The following CFH variants were observed in gnomAD, a reference collection of about 807,000 sequenced individuals.
CFH encodes the protein complement factor H.
In CFH, 53 loss-of-function variants were observed where a neutral mutation model predicts 147.3. That is an observed-to-expected ratio of 0.36 (90% CI 0.29 to 0.45). The LOEUF is 0.45. Among genes scored for constraint, CFH ranks in the 20% least tolerant of loss-of-function variants. The pLI is 1.00. For missense variants in CFH, 1,380 were observed against 1,498.0 expected (o/e 0.92, Z 1.30); for synonymous variants, 536 against 489.4 (o/e 1.10, Z -1.26).
intron 6 of CFH, 141 bp from the exon 7 acceptor site, chr1:196,684,923 T>A: frequency 1.5e-6 from 1 of 674,364 alleles, no homozygotes; most frequent in East Asian, 2.7e-5. Flanking sequence ...CCAGAAAGGA[T>A]ACTATGATAT....
chr1:196,739,335 T>G (rs1330659836), intron 17 of CFH, among the ~76,000 whole-genome samples: 1 of 152,218 alleles, frequency 6.6e-6, no homozygotes, highest in Non-Finnish European at 1.5e-5. Flanking sequence ...AGTTTTATTT[T>G]CTATTGCATT....
intron 9 of CFH, among the ~76,000 whole-genome samples, chr1:196,707,744 T>C (rs1194810456): frequency 6.6e-6 from 1 of 152,198 alleles, no homozygotes; most frequent in African/African-American, 2.4e-5. Flanking sequence ...AAATATCTTT[T>C]GAGGAAAAAT....
chr1:196,698,145 A>T (rs909187533), intron 9 of CFH, among the ~76,000 whole-genome samples: 1 of 152,154 alleles, frequency 6.6e-6, no homozygotes, highest in Non-Finnish European at 1.5e-5. Context: ...CCTAAAACTT[A>T]AAGTATAATA....
In CFH at chr1:196,737,497, A is replaced by G; in HGVS notation, c.2619A>G (p.Pro873=). The G allele has an allele frequency of 6.2e-7, 1 of 1,612,898 alleles. No individual in the cohort carries two copies. Among genetic ancestry groups the G allele is most frequent in the South Asian group, 1.1e-5 (1 of 90,978 alleles). The change falls in exon 17 of 22, where the codon CCA becomes CCG. Residue 873 remains proline, a synonymous_variant. Coordinates refer to ENST00000367429, the MANE Select transcript of CFH (RefSeq NM_000186.4). ...TAGAAAAAATTCCATGTTCACAACCACCTCAGATAGAACACGGAACCATTA... is the reference window on the plus strand; with the variant it reads ...TAGAAAAAATTCCATGTTCACAACCGCCTCAGATAGAACACGGAACCATTA... ...LCVEKIPCSQ[P]PQIEHGTINS... is the part of the protein sequence containing the mutation.
chr1:196,727,022 A>G, intron 14 of CFH, 82 bp downstream of exon 14: 2 of 1,273,272 alleles, frequency 1.6e-6, no homozygotes, highest in South Asian at 2.4e-5. Flanking sequence ...TATATTTTTG[A>G]AATTTACAGA....
At chr1:196,715,222 A>G (rs1225017287) in intron 10 of CFH, among the ~76,000 whole-genome samples, 1 of 152,012 alleles carries the variant, frequency 6.6e-6, no homozygotes, top group Non-Finnish European at 1.5e-5. Context: ...TGTCTCAACT[A>G]CGAATTAGTT....
chr1:196,670,436 C>T (rs1032629268), intron 1 of CFH, among the ~76,000 whole-genome samples: 1 of 152,148 alleles, frequency 6.6e-6, no homozygotes, highest in Non-Finnish European at 1.5e-5. Flanking sequence ...GGGAAGGACC[C>T]AGTGGGACGT....
chr1:196,740,666 C>T lies in CFH; in HGVS notation c.2830C>T (p.His944Tyr). ...PPEISHGVVA[H>Y]MSDSYQYGEE... Reference sequence around the variant, plus strand: ...TGAGATTTCTCATGGTGTTGTAGCTCACATGTCAGACAGTTATCAGTATGG... The same window carrying T: ...TGAGATTTCTCATGGTGTTGTAGCTTACATGTCAGACAGTTATCAGTATGG... Residue 944 changes from histidine (H) to tyrosine (Y), a missense_variant, in exon 18 of 22, where the codon CAC (histidine) becomes TAC (tyrosine). Transcript: ENST00000367429. 1 of 1,613,762 alleles carries T rather than the reference C, an allele frequency of 6.2e-7. No individual in the cohort carries two copies. The highest frequency in any genetic ancestry group is 8.5e-7 in the Non-Finnish European group (1 of 1,179,910).
intron 11 of CFH, among the ~76,000 whole-genome samples, chr1:196,720,797 T>A (rs1465362025): frequency 6.6e-6 from 1 of 151,912 alleles, no homozygotes; most frequent in Non-Finnish European, 1.5e-5. Context: ...GATATGATAA[T>A]TGATTTCCTT....
Position 196,725,223 on chromosome 1 carries a change from G to T in CFH, c.1799G>T (p.Gly600Val). ...GTGTTGAAATTCTCCTGCAAACCAGGATTTACAATAGTTGGACCTAATTCC... is the reference window on the plus strand; with the variant it reads ...GTGTTGAAATTCTCCTGCAAACCAGTATTTACAATAGTTGGACCTAATTCC... ...GEVLKFSCKP[G>V]FTIVGPNSVQ... The change falls in exon 12 of 22, where the codon GGA (glycine) becomes GTA (valine). Residue 600 changes from glycine (G) to valine (V), a missense_variant. By Grantham distance (109) the Gly-to-Val change is moderately radical (BLOSUM62 -3). Coordinates refer to ENST00000367429, the MANE Select transcript of CFH (RefSeq NM_000186.4). 1.9e-6 allele frequency: 3 copies of T among 1,613,940 alleles called. No homozygotes were observed. The highest frequency in any genetic ancestry group is 2.5e-6 in the Non-Finnish European group (3 of 1,179,882).
rs1668777821 is a variant in CFH, at chr1:196,713,730, T to C, written c.1337-5T>C. 2.6e-6 allele frequency: 4 copies of C among 1,555,078 alleles called. No individual in the cohort carries two copies. The East Asian group carries it at 9.0e-5, about 35-fold the overall frequency. Reference sequence around the variant, plus strand: ...TTGTCTTTTTCTTATTCTCTTCCCTTTTAGAAACATGTTCCAAATCAAGTA... The same window carrying C: ...TTGTCTTTTTCTTATTCTCTTCCCTCTTAGAAACATGTTCCAAATCAAGTA... On this transcript the variant is annotated splice_region_variant and splice_polypyrimidine_tract_variant and intron_variant, in intron 9 of 21. Transcript: ENST00000367429.
chr1:196,704,217 C>A (rs1281887776), intron 9 of CFH, among the ~76,000 whole-genome samples: 2 of 151,964 alleles, frequency 1.3e-5, no homozygotes, highest in Non-Finnish European at 2.9e-5. Context: ...GTCTCAGCCT[C>A]CCGAGTAGCT....
intron 9 of CFH, among the ~76,000 whole-genome samples, chr1:196,709,907 A>G (rs553935813): frequency 7.2e-5 from 11 of 152,142 alleles, no homozygotes; most frequent in Admixed American, 3.9e-4. Context: ...TGCTCAGGAG[A>G]TCTGAGGTGG....
chr1:196,652,780 T>C (rs1231379341), intron 1 of CFH, among the ~76,000 whole-genome samples: 2 of 151,870 alleles, frequency 1.3e-5, no homozygotes, highest in African/African-American at 2.4e-5. Flanking sequence ...TTTCCTGTAG[T>C]TGTATATAAC....
At chr1:196,714,666 TATAGAGAGAGAGAGAGAGAG>T (rs1433108827) in intron 10 of CFH, among the ~76,000 whole-genome samples, 379 of 28,272 alleles carry the variant, frequency 0.013, 1 homozygote, top group Middle Eastern at 0.079. Flanking sequence ...TATATATATA[TATAGAGAGAGAGAGAGAGAG>T]AGAGAGAGAG....
chr1:196,680,328 A>AC (rs398049949), intron 6 of CFH, among the ~76,000 whole-genome samples: 1 of 150,714 alleles, frequency 6.6e-6, no homozygotes, highest in Non-Finnish European at 1.5e-5. Context: ...AAAAAAAAAA[A>AC]CCTCTCAACT....
chr1:196,722,210 TC>T (rs1669017390), intron 11 of CFH, among the ~76,000 whole-genome samples: 1 of 152,108 alleles, frequency 6.6e-6, no homozygotes, highest in African/African-American at 2.4e-5. Context: ...TGTTCAGGAC[TC>T]CCTGGATCAT....
Position 196,714,635 on chromosome 1 carries a change from G to GTATGTATA in CFH, c.1519+721_1519+722insGTATATAT, listed in dbSNP as rs1553278044. Reference sequence around the variant, plus strand: ...TGTGTGTGTGTGTATACGTATATATGTATATATATATATATATATATATAT... The same window carrying GTATGTATA: ...TGTGTGTGTGTGTATACGTATATATGTATGTATATATATATATATATATATATATATAT... On this transcript the variant is annotated intron_variant, in intron 10 of 21. Coordinates refer to ENST00000367429, the MANE Select transcript of CFH (RefSeq NM_000186.4). Among the ~76,000 whole-genome samples, 30 of 24,922 alleles carry GTATGTATA rather than the reference G, an allele frequency of 1.2e-3. 3 individuals carry two copies. The highest frequency in any genetic ancestry group is 2.0e-3 in the Non-Finnish European group (28 of 13,868). The allele number at this position is 24,922 out of a possible 152,430, so 16.3% of individuals were successfully genotyped here.
chr1:196,745,826 G>A lies in CFH; in HGVS notation c.3320G>A (p.Gly1107Glu), dbSNP rs754500480. 1.2e-6 allele frequency: 2 copies of A among 1,613,998 alleles called. No individual in the cohort carries two copies. Among genetic ancestry groups the A allele is most frequent in the East Asian group, 2.2e-5 (1 of 44,858 alleles). ...TEPPQCKDST[G>E]KCGPPPPIDN... ...AAATGATGTTTTTTAGATTCTACAG[G>A]AAAATGTGGGCCCCCTCCACCTATT... is the stretch of plus-strand genomic sequence containing the variant. Residue 1107 changes from glycine (G) to glutamate (E), a missense_variant, in exon 21 of 22, where the codon GGA (glycine) becomes GAA (glutamate). Physicochemically the swap from Gly to Glu is moderately conservative, Grantham distance 98. Coordinates refer to ENST00000367429, the MANE Select transcript of CFH (RefSeq NM_000186.4).
Sources: gnomAD v4.1 joint callset for allele counts (sites outside exome capture counted in the v4.1 genomes callset) on GRCh38, gnomAD v4.1.1 for gene constraint, MANE v1.5 for transcripts, NCBI Gene and HGNC (gene_info 2026-07-23, HGNC 2026-07-21) for gene names.